Variants in ASTN2 observed in about 807,000 individuals in gnomAD.
The protein encoded by ASTN2 is astrotactin 2, also known as astrotactin-2.
Under a neutral mutation model 139.8 loss-of-function variants are expected in ASTN2, and 54 were observed. The observed-to-expected ratio is 0.39, with a 90% CI of 0.31 to 0.48. ASTN2 has a LOEUF of 0.48. ASTN2 is among the 20% of genes least tolerant of loss of function. The probability of loss-of-function intolerance (pLI) is 0.95; values close to 1 mark genes in which losing one functional copy is unlikely to be tolerated. For missense variants in ASTN2, 1,565 were observed against 1,725.1 expected, an observed-to-expected ratio of 0.91 and a Z score of 1.64; for synonymous variants, 756 against 719.5, an observed-to-expected ratio of 1.05 and a Z score of -0.81.
At chr9:117,171,067 T>C (rs549010471) in intron 3 of ASTN2, among the ~76,000 whole-genome samples, 17 of 152,230 alleles carry the variant, frequency 1.1e-4, no homozygotes, top group African/African-American at 4.1e-4. Context: ...ATGAGAGCTC[T>C]CAGCGACATC....
At chr9:116,867,234 G>A (rs560208601) in intron 10 of ASTN2, among the ~76,000 whole-genome samples, 6 of 152,240 alleles carry the variant, frequency 3.9e-5, no homozygotes, top group African/African-American at 1.4e-4. Context: ...CATACTCAAG[G>A]TAAACAGAAC....
intron 6 of ASTN2, among the ~76,000 whole-genome samples, chr9:117,018,892 A>G (rs1048160003): frequency 6.6e-6 from 1 of 152,136 alleles, no homozygotes; most frequent in Non-Finnish European, 1.5e-5. Flanking sequence ...AGACAAGGAA[A>G]TTGGAGCTAA....
chr9:117,171,318 G>T (rs1429142910), intron 3 of ASTN2, among the ~76,000 whole-genome samples: 1 of 152,162 alleles, frequency 6.6e-6, no homozygotes, highest in Non-Finnish European at 1.5e-5. Context: ...TCCAGAGAAA[G>T]CCCTGCCTGC....
At chr9:116,991,066 T>C (rs1427504721) in intron 7 of ASTN2, among the ~76,000 whole-genome samples, 4 of 152,126 alleles carry the variant, frequency 2.6e-5, no homozygotes, top group Non-Finnish European at 5.9e-5. Context: ...ACTCAAACCA[T>C]CTAGTGAAAT....
At chr9:117,039,616 AT>A (rs1285018389) in intron 6 of ASTN2, among the ~76,000 whole-genome samples, 1 of 152,234 alleles carries the variant, frequency 6.6e-6, no homozygotes, top group Non-Finnish European at 1.5e-5. Flanking sequence ...ATTAAAAAAA[AT>A]AAAAGCAGTC....
intron 1 of ASTN2, among the ~76,000 whole-genome samples, chr9:117,379,263 C>T (rs1158764653): frequency 6.6e-6 from 1 of 152,140 alleles, no homozygotes; most frequent in Non-Finnish European, 1.5e-5. Flanking sequence ...CAGTCTAGAG[C>T]CGGGCGTAGG....
At chr9:117,389,821 A>G (rs975700629) in intron 1 of ASTN2, among the ~76,000 whole-genome samples, 1 of 152,004 alleles carries the variant, frequency 6.6e-6, no homozygotes, top group African/African-American at 2.4e-5. Context: ...ATTAACATGA[A>G]CAGATACCCA....
At chr9:117,087,025 G>A (rs1828581515) in intron 5 of ASTN2, among the ~76,000 whole-genome samples, 1 of 152,122 alleles carries the variant, frequency 6.6e-6, no homozygotes, top group South Asian at 2.1e-4. Context: ...GGTCCTGGGG[G>A]CGTTCTCTGC....
intron 21 of ASTN2, 61 bp downstream of exon 21, chr9:116,442,391 TG>T: frequency 7.9e-7 from 1 of 1,273,062 alleles, no homozygotes; most frequent in Non-Finnish European, 1.2e-6. Context: ...TAGTGACTGT[TG>T]GGTGCAGAAC....
chr9:116,766,422 A>G (rs991702733), intron 13 of ASTN2, among the ~76,000 whole-genome samples: 2 of 151,984 alleles, frequency 1.3e-5, no homozygotes, highest in Non-Finnish European at 2.9e-5. Flanking sequence ...ACAAACACAT[A>G]CATTCACACT....
At chr9:116,826,303 A>G (rs1470886669) in intron 11 of ASTN2, among the ~76,000 whole-genome samples, 1 of 152,162 alleles carries the variant, frequency 6.6e-6, no homozygotes, top group Non-Finnish European at 1.5e-5. Flanking sequence ...CTTCTTGCCA[A>G]TGTGGCTCAC....
intron 19 of ASTN2, among the ~76,000 whole-genome samples, chr9:116,528,888 T>G (rs1035631620): frequency 4.6e-5 from 7 of 151,954 alleles, no homozygotes. Context: ...AAGACAAGAG[T>G]TGAGGTTTGT....
At chr9:116,606,572 T>G (rs1299790788) in intron 19 of ASTN2, among the ~76,000 whole-genome samples, 2 of 152,322 alleles carry the variant, frequency 1.3e-5, no homozygotes, top group East Asian at 3.9e-4. Flanking sequence ...GGATAAAGCC[T>G]ATGTTTCCCT....
chr9:116,511,976 T>C (rs944597560), intron 19 of ASTN2, among the ~76,000 whole-genome samples: 11 of 152,208 alleles, frequency 7.2e-5, no homozygotes, highest in Admixed American at 2.6e-4. Flanking sequence ...ATTGATTTTT[T>C]GAAGGGTTTT....
intron 1 of ASTN2, among the ~76,000 whole-genome samples, chr9:117,307,202 T>C (rs975030337): frequency 5.9e-5 from 9 of 152,342 alleles, no homozygotes; most frequent in African/African-American, 2.2e-4. Context: ...AATCTATGCA[T>C]CTGAATCTGA....
chr9:117,008,322 G>A, intron 6 of ASTN2, 63 bp from the exon 7 acceptor site: 2 of 1,449,776 alleles, frequency 1.4e-6, no homozygotes, highest in Non-Finnish European at 1.8e-6. Context: ...TGATGCTACA[G>A]AACACAGAAA....
chr9:116,808,890 A>C (rs987138486), intron 12 of ASTN2, among the ~76,000 whole-genome samples: 1 of 152,206 alleles, frequency 6.6e-6, no homozygotes, highest in South Asian at 2.1e-4. Flanking sequence ...TTCCCTTGTT[A>C]CTGATTAGGT....
Position 117,004,404 on chromosome 9 carries a change from G to T in ASTN2, c.1591+3688C>A, listed in dbSNP as rs184912469. Reference sequence around the variant, plus strand: ...TCAGTGCTGGGATTACAGGTGTGAGGCATCGCACCTGGCCCAGTTGGCCTA... The same window carrying T: ...TCAGTGCTGGGATTACAGGTGTGAGTCATCGCACCTGGCCCAGTTGGCCTA... On this transcript the variant is annotated intron_variant, in intron 7 of 22. Coordinates refer to ENST00000313400, the MANE Select transcript of ASTN2 (RefSeq NM_001365068.1). Among the ~76,000 whole-genome samples the T allele has an allele frequency of 3.3e-5, 5 of 152,202 alleles. No homozygotes were observed. The East Asian group carries it at 7.7e-4, about 24-fold the overall frequency.
chr9:116,685,624 T>G (rs1380175571), intron 16 of ASTN2, among the ~76,000 whole-genome samples: 1 of 152,250 alleles, frequency 6.6e-6, no homozygotes, highest in Admixed American at 6.5e-5. Flanking sequence ...TCTAATATTG[T>G]GCCAGGATAT....
Sources: allele counts gnomAD v4.1 joint callset (sites outside exome capture counted in the v4.1 genomes callset), GRCh38; gene constraint gnomAD v4.1.1; transcripts MANE v1.5; gene names NCBI Gene and HGNC (gene_info 2026-07-23, HGNC 2026-07-21).